Variants in ST8SIA6 observed in about 807,000 individuals in gnomAD.
ST8SIA6 encodes the protein ST8 alpha-N-acetyl-neuraminide alpha-2,8-sialyltransferase 6, also known as alpha-2,8-sialyltransferase 8F.
In ST8SIA6, 39 loss-of-function variants were observed where a neutral mutation model predicts 33.6. That is an observed-to-expected ratio of 1.16 (90% CI 0.90 to 1.52). ST8SIA6 has a LOEUF of 1.52. Ranked by LOEUF, ST8SIA6 falls within the 40% of genes most tolerant of loss-of-function variation. The pLI is 0.00. For synonymous variants in ST8SIA6, 172 were observed against 167.2 expected, an observed-to-expected ratio of 1.03 and a Z score of -0.22; for missense variants, 441 against 443.8, an observed-to-expected ratio of 0.99 and a Z score of 0.06.
intron 3 of ST8SIA6, among the ~76,000 whole-genome samples, chr10:17,362,554 C>T (rs560136421): frequency 6.6e-6 from 1 of 152,132 alleles, no homozygotes; most frequent in Non-Finnish European, 1.5e-5. Flanking sequence ...CTTTGACCAA[C>T]GTTTCTATAA....
chr10:17,366,722 T>C (rs1849571404), intron 3 of ST8SIA6, among the ~76,000 whole-genome samples: 1 of 152,068 alleles, frequency 6.6e-6, no homozygotes, highest in East Asian at 1.9e-4. Context: ...TGATTGTAGG[T>C]GAAGACAAGG....
chr10:17,337,414 A>C (rs1225414114), intron 4 of ST8SIA6, among the ~76,000 whole-genome samples: 3 of 152,160 alleles, frequency 2.0e-5, no homozygotes, highest in Non-Finnish European at 2.9e-5. Flanking sequence ...GAGTTGGTTT[A>C]GCCATCCCCC....
intron 2 of ST8SIA6, among the ~76,000 whole-genome samples, chr10:17,422,932 A>C (rs1244445393): frequency 6.6e-6 from 1 of 152,248 alleles, no homozygotes; most frequent in Non-Finnish European, 1.5e-5. Flanking sequence ...CGTTCTAGAT[A>C]GGATGATGCA....
intron 2 of ST8SIA6, among the ~76,000 whole-genome samples, chr10:17,448,595 A>T (rs374502826): frequency 7.7e-6 from 1 of 129,722 alleles, no homozygotes; most frequent in African/African-American, 3.6e-5. Context: ...CAGGGTTTTT[A>T]TTGTTGTTGT....
intron 4 of ST8SIA6, among the ~76,000 whole-genome samples, chr10:17,340,852 G>C (rs1269193055): frequency 6.6e-6 from 1 of 152,144 alleles, no homozygotes; most frequent in African/African-American, 2.4e-5. Context: ...CCTTTCCATT[G>C]CTGTCACATA....
intron 2 of ST8SIA6, among the ~76,000 whole-genome samples, chr10:17,416,649 T>C (rs534096261): frequency 6.6e-6 from 1 of 152,336 alleles, no homozygotes; most frequent in East Asian, 1.9e-4. Context: ...CGTAAATCCA[T>C]CTACTTCTCT....
At chr10:17,400,657 A>G (rs1851003272) in intron 2 of ST8SIA6, among the ~76,000 whole-genome samples, 1 of 152,236 alleles carries the variant, frequency 6.6e-6, no homozygotes, top group African/African-American at 2.4e-5. Flanking sequence ...TCCAGCATAT[A>G]AGCAGAACCA....
chr10:17,398,220 A>G (rs45594932), intron 2 of ST8SIA6, among the ~76,000 whole-genome samples: 11 of 152,164 alleles, frequency 7.2e-5, no homozygotes, highest in Non-Finnish European at 1.3e-4. Context: ...CCAGCTACTC[A>G]GGAGGCTGAG....
chr10:17,348,691 TTCA>T (rs1354953252), intron 4 of ST8SIA6, among the ~76,000 whole-genome samples: 2 of 152,192 alleles, frequency 1.3e-5, no homozygotes, highest in African/African-American at 4.8e-5. Context: ...CGCTGTGGAA[TTCA>T]TCATCTTCCG....
rs1037995856 is a variant in ST8SIA6 at position 17,454,577 on chromosome 10, C to T, written c.-322G>A. Among the ~76,000 whole-genome samples the T allele has an allele frequency of 6.6e-6, 1 of 151,870 alleles. No individual in the cohort carries two copies. Among genetic ancestry groups the T allele is most frequent in the Non-Finnish European group, 1.5e-5 (1 of 67,906 alleles). On this transcript the variant is annotated 5_prime_UTR_variant, in exon 1 of 8. Transcript: ENST00000377602. The surrounding 1 kb of genome is among the most constrained non-coding windows in gnomAD (Gnocchi z 4.1). ...GCTCGGAGCTGCTGCGGGCTCCGGT[C>T]GCCGCTGCCACTGCTGCTGCCGCCG...
At chr10:17,402,831 A>G (rs1429213493) in intron 2 of ST8SIA6, among the ~76,000 whole-genome samples, 5 of 152,118 alleles carry the variant, frequency 3.3e-5, no homozygotes, top group Non-Finnish European at 5.9e-5. Context: ...TGTAAATGAC[A>G]AATTAATGGG....
At chr10:17,434,976 C>T (rs1259989260) in intron 2 of ST8SIA6, among the ~76,000 whole-genome samples, 2 of 152,286 alleles carry the variant, frequency 1.3e-5, no homozygotes, top group East Asian at 1.9e-4. Context: ...CCAGATTCGG[C>T]AAGGACTCCC....
intron 2 of ST8SIA6, among the ~76,000 whole-genome samples, chr10:17,400,124 T>A (rs1850982342): frequency 1.3e-5 from 2 of 152,122 alleles, no homozygotes; most frequent in African/African-American, 4.8e-5. Flanking sequence ...AGGACCTCTA[T>A]CATGCAGGAC....
intron 4 of ST8SIA6, among the ~76,000 whole-genome samples, chr10:17,348,720 C>T (rs1362287747): frequency 6.6e-6 from 1 of 152,164 alleles, no homozygotes; most frequent in African/African-American, 2.4e-5. Context: ...TGGCTTCAGT[C>T]CCACACTCAG....
chr10:17,354,397 C>G (rs568812096), intron 4 of ST8SIA6, among the ~76,000 whole-genome samples: 1 of 152,190 alleles, frequency 6.6e-6, no homozygotes, highest in East Asian at 1.9e-4. Context: ...TGTGCATTAG[C>G]TTGTCCTTGG....
At position 17,319,504 on chromosome 10, in the gene ST8SIA6, A is replaced by T. The variant is rs1847876793; in HGVS notation, c.*1374T>A. ...CTTGGAAATGTCTACAATTTTCTCC[A>T]CAAAAGAAAACCCGCAAACATTCTT... On this transcript the variant is annotated 3_prime_UTR_variant, in exon 8 of 8. Transcript: ENST00000377602. 6.6e-6 allele frequency among the ~76,000 whole-genome samples: 1 copy of T among 152,164 alleles called. No homozygotes were observed. Among genetic ancestry groups the T allele is most frequent in the Admixed American group, 6.5e-5 (1 of 15,270 alleles).
chr10:17,382,330 A>T (rs974058530), intron 3 of ST8SIA6, among the ~76,000 whole-genome samples: 1 of 152,040 alleles, frequency 6.6e-6, no homozygotes. Flanking sequence ...CATTGGTACA[A>T]TTTTGGCTCA....
At chr10:17,418,340 G>A (rs1275702438) in intron 2 of ST8SIA6, among the ~76,000 whole-genome samples, 2 of 152,050 alleles carry the variant, frequency 1.3e-5, no homozygotes, top group East Asian at 1.9e-4. Context: ...GTGCCACCAT[G>A]TGCAGCCTGG....
intron 2 of ST8SIA6, among the ~76,000 whole-genome samples, chr10:17,420,228 C>CG (rs1851737249): frequency 6.6e-6 from 1 of 152,010 alleles, no homozygotes; most frequent in East Asian, 1.9e-4. Context: ...CCTGGCTACA[C>CG]GGGGAAACCC....
Sources: allele counts gnomAD v4.1 joint callset (sites outside exome capture counted in the v4.1 genomes callset), GRCh38; gene constraint gnomAD v4.1.1; non-coding constraint Gnocchi (gnomAD v3.1); transcripts MANE v1.5; gene names NCBI Gene and HGNC (gene_info 2026-07-23, HGNC 2026-07-21).